SOX5: variants seen among roughly 807,000 people sequenced by gnomAD.
SOX5 encodes transcription factor SOX-5.
SOX5 carries 9 observed loss-of-function variants against 92.0 expected under a neutral mutation model. The observed-to-expected ratio is 0.10, with a 90% CI of 0.06 to 0.17. SOX5 has a LOEUF of 0.17. SOX5 is among the 10% of genes least tolerant of loss of function. The pLI is 1.00. For missense variants in SOX5, 642 were observed against 944.5 expected, an observed-to-expected ratio of 0.68 and a Z score of 4.20; for synonymous variants, 344 against 336.3, an observed-to-expected ratio of 1.02 and a Z score of -0.25.
chr12:23,680,463 A>C (rs558023498), intron 6 of SOX5, among the ~76,000 whole-genome samples: 14 of 152,120 alleles, frequency 9.2e-5, no homozygotes, highest in African/African-American at 3.4e-4. Flanking sequence ...TTCAGTCCAC[A>C]GAGACAGAAA....
In SOX5 at chr12:24,028,996, A is replaced by C. The variant is rs557344337; in HGVS notation, c.-1-132972T>G. ...AAGCAAAACCAATTACATTTCAAAA[A>C]TACATAACCAAACCAATTACATTTC... On this transcript the variant is annotated intron_variant, in intron 4 of 4. Coordinates refer to the SOX5 transcript ENST00000446891. Among the ~76,000 whole-genome samples the C allele has an allele frequency of 5.9e-5, 9 of 152,156 alleles. No individual in the cohort carries two copies. The South Asian group carries it at 1.4e-3, about 25-fold the overall frequency.
intron 4 of SOX5, among the ~76,000 whole-genome samples, chr12:24,133,853 T>G (rs1295719934): frequency 2.0e-5 from 3 of 152,170 alleles, no homozygotes; most frequent in Admixed American, 2.0e-4. Flanking sequence ...AATAGGGATA[T>G]AATGATTAGA....
intron 1 of SOX5, among the ~76,000 whole-genome samples, chr12:23,933,185 G>T (rs993669181): frequency 6.6e-6 from 1 of 151,624 alleles, no homozygotes; most frequent in Non-Finnish European, 1.5e-5. Context: ...TTAATTATGT[G>T]CTGTTCTGAG....
intron 4 of SOX5, among the ~76,000 whole-genome samples, chr12:24,197,474 G>A (rs1342296899): frequency 1.3e-5 from 2 of 152,194 alleles, no homozygotes; most frequent in Non-Finnish European, 2.9e-5. Context: ...ATTAGGAGCT[G>A]TGGCAGAGAA....
intron 1 of SOX5, among the ~76,000 whole-genome samples, chr12:24,471,968 G>T (rs1329848334): frequency 6.6e-6 from 1 of 152,082 alleles, no homozygotes; most frequent in Non-Finnish European, 1.5e-5. Context: ...ACTTTGAGTT[G>T]TTATCATGTC....
At chr12:24,404,130 C>A (rs1962391466) in intron 1 of SOX5, among the ~76,000 whole-genome samples, 1 of 152,136 alleles carries the variant, frequency 6.6e-6, no homozygotes, top group Non-Finnish European at 1.5e-5. Context: ...CTATCATTAT[C>A]ATTATCCAGT....
chr12:23,843,889 T>A (rs1436539294), intron 3 of SOX5, among the ~76,000 whole-genome samples: 1 of 152,130 alleles, frequency 6.6e-6, no homozygotes, highest in Non-Finnish European at 1.5e-5. Context: ...TTTCAAAGTA[T>A]ATTACTTGGC....
At position 23,893,314 on chromosome 12, in the gene SOX5, C is replaced by T. The variant is rs530310817; in HGVS notation, c.270+2479G>A. On this transcript the variant is annotated intron_variant, in intron 2 of 14. Coordinates refer to ENST00000451604, the MANE Select transcript of SOX5 (RefSeq NM_006940.6). ...TATAAAAATTAGCTGGGCTTGGTGG[C>T]GGGGGCCTGTAATCCCAGCTACTTG... Among the ~76,000 whole-genome samples, 14 of 152,060 alleles carry T rather than the reference C, an allele frequency of 9.2e-5. No homozygotes were observed. In the South Asian group the frequency reaches 1.9e-3, roughly 20 times the overall value.
At chr12:23,783,628 TAAAG>T (rs1438097310) in intron 3 of SOX5, among the ~76,000 whole-genome samples, 1 of 152,040 alleles carries the variant, frequency 6.6e-6, no homozygotes, top group African/African-American at 2.4e-5. Context: ...CTGTTGCAAA[TAAAG>T]AAGCAAAAAG....
intron 9 of SOX5, among the ~76,000 whole-genome samples, chr12:23,603,184 C>T (rs776305568): frequency 3.3e-5 from 5 of 151,734 alleles, no homozygotes; most frequent in Non-Finnish European, 5.9e-5. Context: ...TTGATTGATC[C>T]CTTCTCCTTA....
At chr12:23,934,522 ATATTT>A (rs1942131435) in intron 1 of SOX5, among the ~76,000 whole-genome samples, 2 of 149,912 alleles carry the variant, frequency 1.3e-5, no homozygotes, top group Admixed American at 1.3e-4. Context: ...TACAACATGA[ATATTT>A]TATTTTAAAT....
intron 3 of SOX5, among the ~76,000 whole-genome samples, chr12:24,247,656 T>C (rs908658731): frequency 4.8e-5 from 7 of 146,328 alleles, no homozygotes; most frequent in Non-Finnish European, 1.1e-4. Context: ...TTTTTTTTTT[T>C]TTTTTTTTTT....
At chr12:23,683,439 G>GTAT (rs1233912501) in intron 6 of SOX5, among the ~76,000 whole-genome samples, 1 of 151,924 alleles carries the variant, frequency 6.6e-6, no homozygotes. Flanking sequence ...AAATGTCAGT[G>GTAT]TATCACTCAT....
chr12:24,118,018 C>CAAA (rs964710930), intron 4 of SOX5, among the ~76,000 whole-genome samples: 11 of 41,766 alleles, frequency 2.6e-4, no homozygotes, highest in South Asian at 8.6e-4. Context: ...GACTCTCATT[C>CAAA]AAAAAAAAAA....
intron 4 of SOX5, among the ~76,000 whole-genome samples, chr12:23,970,840 A>ATATATATATATATATAT: frequency 1.6e-3 from 55 of 33,402 alleles, no homozygotes; most frequent in East Asian, 3.1e-3. Flanking sequence ...ATATATATAT[A>ATATATATATATATATAT]ATTTTTTTTT....
chr12:24,329,893 C>G (rs1951102788), intron 2 of SOX5, among the ~76,000 whole-genome samples: 1 of 152,100 alleles, frequency 6.6e-6, no homozygotes. Context: ...TGTGGTAGAA[C>G]ATGCCTGTAA....
At chr12:23,968,113 C>A (rs554726671) in intron 4 of SOX5, among the ~76,000 whole-genome samples, 1 of 152,152 alleles carries the variant, frequency 6.6e-6, no homozygotes, top group Non-Finnish European at 1.5e-5. Context: ...TGCCAGAATG[C>A]GGACTCTACT....
At chr12:24,391,906 G>A (rs6487385) in intron 1 of SOX5, among the ~76,000 whole-genome samples, 6 of 152,214 alleles carry the variant, frequency 3.9e-5, no homozygotes, top group East Asian at 1.9e-4. Flanking sequence ...TTCTTCTACA[G>A]GTTATTTCAA....
At chr12:24,054,525 C>T (rs1366494929) in intron 4 of SOX5, among the ~76,000 whole-genome samples, 3 of 152,116 alleles carry the variant, frequency 2.0e-5, no homozygotes, top group Non-Finnish European at 4.4e-5. Context: ...ATGATGGTAA[C>T]AACAATAATT....
Sources: allele counts gnomAD v4.1 joint callset (sites outside exome capture counted in the v4.1 genomes callset), GRCh38; gene constraint gnomAD v4.1.1; transcripts MANE v1.5; gene names NCBI Gene and HGNC (gene_info 2026-07-23, HGNC 2026-07-21).